Variants in ABCB7 observed in about 807,000 individuals in gnomAD.
The protein encoded by ABCB7 is iron-sulfur clusters transporter ABCB7, mitochondrial.
ABCB7 carries 7 observed loss-of-function variants against 54.4 expected under a neutral mutation model. The observed-to-expected ratio is 0.13, with a 90% confidence interval of 0.07 to 0.24. The LOEUF (loss-of-function observed/expected upper bound fraction) is 0.24, where lower values mean the gene tolerates loss of function less well. Among genes scored for constraint, ABCB7 ranks in the 10% least tolerant of loss-of-function variants. The probability of loss-of-function intolerance (pLI) is 1.00; values close to 1 mark genes in which losing one functional copy is unlikely to be tolerated. For synonymous variants in ABCB7, 218 were observed against 207.1 expected (o/e 1.05, Z -0.45); for missense variants, 356 against 570.4 (o/e 0.62, Z 3.83).
intron 2 of ABCB7, 28 bp from the exon 3 acceptor site, chrX:75,113,000 G>T (rs376996688): frequency 8.9e-7 from 1 of 1,122,637 alleles, no homozygotes; most frequent in South Asian, 1.8e-5. Flanking sequence ...CAAGCAGTCC[G>T]TTAGCTATTA....
intron 1 of ABCB7, among the ~76,000 whole-genome samples, chrX:75,149,927 G>A (rs1004576934): frequency 2.7e-5 from 3 of 111,596 alleles, no homozygotes; most frequent in Non-Finnish European, 5.7e-5. Flanking sequence ...AACAATATAG[G>A]GTGACTGGAG....
At chrX:75,129,515 C>G (rs1180312403) in intron 1 of ABCB7, among the ~76,000 whole-genome samples, 1 of 109,104 alleles carries the variant, frequency 9.2e-6, no homozygotes, top group Non-Finnish European at 1.9e-5. Context: ...TTGATGGATG[C>G]AGCAAATCAC....
At position 75,119,005 on chromosome X, in the gene ABCB7, C is replaced by T. The variant is rs556617556; in HGVS notation, c.169-4174G>A. 4.5e-5 allele frequency among the ~76,000 whole-genome samples: 5 copies of T among 112,291 alleles called. No individual in the cohort carries two copies. The East Asian group carries it at 1.4e-3, about 31-fold the overall frequency. On this transcript the variant is annotated intron_variant, in intron 1 of 15. Transcript: ENST00000373394. ...TGGCGAATGAAGAACCTTACAGCTA[C>T]AGGATCTTCTGTCTGCGTATTTATA...
At chrX:75,092,751 G>T (rs2081555272) in intron 4 of ABCB7, among the ~76,000 whole-genome samples, 1 of 111,369 alleles carries the variant, frequency 9.0e-6, no homozygotes, top group African/African-American at 3.3e-5. Context: ...ATGGGCAAAA[G>T]AACTGATCAG....
intron 1 of ABCB7, among the ~76,000 whole-genome samples, chrX:75,138,620 A>T (rs981811446): frequency 2.8e-4 from 31 of 111,996 alleles, no homozygotes; most frequent in African/African-American, 1.0e-3. Flanking sequence ...CTTTTACAAT[A>T]GTAGTTCCCA....
At chrX:75,066,311 T>C (rs2081317683) in intron 12 of ABCB7, among the ~76,000 whole-genome samples, 2 of 111,415 alleles carry the variant, frequency 1.8e-5, no homozygotes, top group South Asian at 7.5e-4. Flanking sequence ...ATTTCATATA[T>C]TGCTTTAAAT....
At chrX:75,128,033 T>C (rs958401130) in intron 1 of ABCB7, among the ~76,000 whole-genome samples, 5 of 111,760 alleles carry the variant, frequency 4.5e-5, no homozygotes, top group Non-Finnish European at 9.4e-5. Flanking sequence ...CCAAAGTAAT[T>C]GATAGATTCA....
At chrX:75,121,288 CA>C (rs34049274) in intron 1 of ABCB7, among the ~76,000 whole-genome samples, 2,326 of 38,974 alleles carry the variant, frequency 0.06, 81 homozygotes, top group African/African-American at 0.18. Context: ...GACTCTGTCT[CA>C]AAAAAAAAAA....
chrX:75,090,888 A>G (rs967649691), intron 4 of ABCB7, among the ~76,000 whole-genome samples: 3 of 111,452 alleles, frequency 2.7e-5, no homozygotes, highest in African/African-American at 9.7e-5. Context: ...AAATGGACAA[A>G]TTCCTTAAAA....
rs1344148308 is a variant in ABCB7, at chrX:75,115,167, T to C, written c.169-336A>G. The stretch of plus-strand genomic sequence containing the variant: ...CCTGTAGTCCCAGTTACTCAGGAGG[T>C]TGAAGCAGGAGAATCGCTTCAACCC... On this transcript the variant is annotated intron_variant, in intron 1 of 15. Transcript: ENST00000373394. Among the ~76,000 whole-genome samples, 7 of 96,445 alleles carry C rather than the reference T, an allele frequency of 7.3e-5. No individual in the cohort carries two copies. The Admixed American group carries it at 7.3e-4, about 10-fold the overall frequency. The allele number at this position is 96,445 out of a possible 115,157, so 83.8% of individuals were successfully genotyped here.
At chrX:75,146,446 C>T (rs909217599) in intron 1 of ABCB7, among the ~76,000 whole-genome samples, 25 of 111,712 alleles carry the variant, frequency 2.2e-4, no homozygotes, top group Admixed American at 1.2e-3. Flanking sequence ...TAACCAAAAC[C>T]GCATGGTACT....
At chrX:75,098,485 C>T (rs2081611293) in intron 4 of ABCB7, among the ~76,000 whole-genome samples, 1 of 110,874 alleles carries the variant, frequency 9.0e-6, no homozygotes, top group Non-Finnish European at 1.9e-5. Flanking sequence ...GGTTTTGTGG[C>T]TTTTGTTTTG....
chrX:75,090,750 A>G (rs1243738397), intron 4 of ABCB7, among the ~76,000 whole-genome samples: 3 of 111,272 alleles, frequency 2.7e-5, no homozygotes, highest in Admixed American at 9.5e-5. Context: ...TCAAGCAAAA[A>G]AGAAAGAAGA....
chrX:75,069,158 G>A (rs1163365030), intron 11 of ABCB7, 22 bp from the exon 12 acceptor site: 1 of 1,207,119 alleles, frequency 8.3e-7, no homozygotes, highest in Non-Finnish European at 1.1e-6. Context: ...GATGAAGAAA[G>A]GTTATTTAGC....
At chrX:75,084,582 A>G (rs1353750016) in intron 4 of ABCB7, among the ~76,000 whole-genome samples, 2 of 111,920 alleles carry the variant, frequency 1.8e-5, no homozygotes, top group African/African-American at 6.5e-5. Context: ...AATAGTTATT[A>G]GACATGACAA....
rs1160769327 is a variant in ABCB7, at chrX:75,065,250, G to A, written c.1660-9C>T. Reference sequence around the variant, plus strand: ...TGGAAGAGGACAGCATCCTGAAGCAGATATACTGAATGAATATATATCTAT... The same window carrying A: ...TGGAAGAGGACAGCATCCTGAAGCAAATATACTGAATGAATATATATCTAT... On this transcript the variant is annotated splice_polypyrimidine_tract_variant and intron_variant, in intron 12 of 15. Coordinates refer to ENST00000373394, the MANE Select transcript of ABCB7 (RefSeq NM_001271696.3). The A allele has an allele frequency of 8.5e-7, 1 of 1,171,490 alleles. No individual in the cohort carries two copies. Among genetic ancestry groups the A allele is most frequent in the Admixed American group, 2.2e-5 (1 of 45,722 alleles).
At chrX:75,124,967 G>T (rs5981770) in intron 1 of ABCB7, among the ~76,000 whole-genome samples, 3,224 of 111,321 alleles carry the variant, frequency 0.029, 115 homozygotes, top group African/African-American at 0.1. Context: ...TTACTAATGG[G>T]GACTTGGAAG....
chrX:75,122,896 A>C (rs749471064), intron 1 of ABCB7, among the ~76,000 whole-genome samples: 2 of 32,924 alleles, frequency 6.1e-5, no homozygotes, highest in Non-Finnish European at 1.4e-4. Flanking sequence ...GTGTGTGTGT[A>C]AGTTGTGTGA....
intron 14 of ABCB7, 47 bp from the exon 15 acceptor site, chrX:75,060,377 C>T (rs1389214244): frequency 3.2e-6 from 3 of 944,727 alleles, no homozygotes; most frequent in South Asian, 2.0e-5. Flanking sequence ...AAAAGAAGTA[C>T]ACATTAGGCA....
Sources: gnomAD v4.1 joint callset for allele counts (sites outside exome capture counted in the v4.1 genomes callset) on GRCh38, gnomAD v4.1.1 for gene constraint, MANE v1.5 for transcripts, NCBI Gene and HGNC (gene_info 2026-07-23, HGNC 2026-07-21) for gene names.